Variants in COL16A1 observed in about 807,000 individuals in gnomAD.
The protein encoded by COL16A1 is collagen alpha-1(XVI) chain.
In COL16A1, 189 loss-of-function variants were observed where a neutral mutation model predicts 266.3. The observed-to-expected ratio is 0.71, with a 90% CI of 0.63 to 0.80. The LOEUF is 0.80. Ranked by LOEUF, COL16A1 falls within the 30% of genes least tolerant of loss-of-function variation. COL16A1 has a pLI of 0.00. For missense variants in COL16A1, 1,928 were observed against 2,122.4 expected (o/e 0.91, Z 1.80); for synonymous variants, 740 against 782.3 (o/e 0.95, Z 0.90).
Position 31,683,201 on chromosome 1 carries a change from C to T in COL16A1, c.2462G>A (p.Gly821Asp). 2 of 1,614,184 alleles carry T rather than the reference C, an allele frequency of 1.2e-6. No homozygotes were observed. Among genetic ancestry groups the T allele is most frequent in the Non-Finnish European group, 1.7e-6 (2 of 1,180,032 alleles). ...RGPPGPTGEK[G>D]AQGSPGVKGA... The stretch of plus-strand genomic sequence containing the variant: ...ATGGAGGCAGAGGCTCACCTGGGCA[C>T]CCTTCTCTCCAGTGGGGCCAGGTGG... The change falls in exon 36 of 71, where the codon GGT (glycine) becomes GAT (aspartate). Residue 821 changes from glycine (G) to aspartate (D), a missense_variant. Gly to Asp is a moderately conservative substitution (Grantham distance 94). Transcript: ENST00000373672.
chr1:31,660,492 A>G (rs2148664275), intron 62 of COL16A1, 93 bp downstream of exon 62: 1 of 1,533,960 alleles, frequency 6.5e-7, no homozygotes, highest in East Asian at 2.3e-5. Flanking sequence ...CCCTATGGCA[A>G]GTTCTCTCAG....
chr1:31,683,509 G>T, intron 34 of COL16A1, 140 bp from the exon 35 acceptor site: 1 of 1,578,004 alleles, frequency 6.3e-7, no homozygotes, highest in Non-Finnish European at 8.6e-7. Flanking sequence ...GACCCTGAGG[G>T]TCAGAGAGGC....
intron 1 of COL16A1, among the ~76,000 whole-genome samples, chr1:31,702,621 C>T (rs778014139): frequency 3.3e-5 from 5 of 152,142 alleles, no homozygotes; most frequent in East Asian, 1.9e-4. Context: ...CTTCAAGACA[C>T]GTGGAAGTAT....
In COL16A1 at chr1:31,697,002, G is replaced by C. The variant is rs1445519108; in HGVS notation, c.825C>G (p.Tyr275Ter). The C allele has an allele frequency of 6.2e-7, 1 of 1,614,064 alleles. No homozygotes were observed. Among genetic ancestry groups the C allele is most frequent in the Non-Finnish European group, 8.5e-7 (1 of 1,180,048 alleles). Reference protein sequence around the residue: ...EINPQSEGKVYTRCFCLEEPQ... With the variant: ...EINPQSEGKV Reference sequence around the variant, plus strand: ...GCTCCTCCAGGCAGAAGCAGCGGGTGTAGACCTTGCCTTCAGACTGTGGAT... The same window carrying C: ...GCTCCTCCAGGCAGAAGCAGCGGGTCTAGACCTTGCCTTCAGACTGTGGAT... Residue 275 changes from tyrosine (Y) to a stop codon, truncating the protein, a stop_gained, in exon 8 of 71, where the codon TAC becomes TAG. Coordinates refer to ENST00000373672, the MANE Select transcript of COL16A1 (RefSeq NM_001856.4). LOFTEE classifies it high-confidence loss of function. The surrounding 1 kb of genome is among the most constrained non-coding windows in gnomAD (Gnocchi z 4.2).
At position 31,672,483 on chromosome 1, in the gene COL16A1, T is replaced by C; in HGVS notation, c.3038A>G (p.Asp1013Gly). The change falls in exon 47 of 71, where the codon GAT becomes GGT. Residue 1013 changes from aspartate (D) to glycine (G), a missense_variant. This residue lies in a region of COL16A1 where 1,552 missense variants were observed against 1,637.2 expected (regional missense o/e 0.95). Coordinates refer to ENST00000373672, the MANE Select transcript of COL16A1 (RefSeq NM_001856.4). ...EEARGDNSEG[D>G]PGCVGSPGLP... ...GCCTGGGCTCCCAACACAGCCAGGA[T>C]CTCCCTCACTGTTGTCACCCTGGAG... 1 of 1,614,042 alleles carries C rather than the reference T, an allele frequency of 6.2e-7. No homozygotes were observed. The highest frequency in any genetic ancestry group is 8.5e-7 in the Non-Finnish European group (1 of 1,179,992).
chr1:31,680,205 T>C, intron 39 of COL16A1, 104 bp from the exon 40 acceptor site: 1 of 1,500,386 alleles, frequency 6.7e-7, no homozygotes, highest in Non-Finnish European at 9.0e-7. Flanking sequence ...AGGCCAGGGT[T>C]TCAATCCAGG....
At chr1:31,696,917 CA>C (rs766830403) in intron 8 of COL16A1, 45 bp downstream of exon 8, 1 of 1,610,720 alleles carries the variant, frequency 6.2e-7, no homozygotes, top group Non-Finnish European at 8.5e-7. Context: ...AGGGGTATCT[CA>C]CTTGTGCCTG....
intron 42 of COL16A1, among the ~76,000 whole-genome samples, chr1:31,676,217 C>A (rs1054894008): frequency 6.6e-6 from 1 of 151,130 alleles, no homozygotes; most frequent in African/African-American, 2.4e-5. Flanking sequence ...CCCAGATACA[C>A]GGGAGGCTGA....
intron 44 of COL16A1, 35 bp from the exon 45 acceptor site, chr1:31,672,875 G>A (rs564079973): frequency 5.0e-5 from 80 of 1,602,236 alleles, no homozygotes; most frequent in Non-Finnish European, 6.2e-5. Flanking sequence ...TGGGGCCTGG[G>A]TTAGAGATGG....
At chr1:31,693,638 C>G (rs1454516280) in intron 12 of COL16A1, among the ~76,000 whole-genome samples, 1 of 152,208 alleles carries the variant, frequency 6.6e-6, no homozygotes, top group African/African-American at 2.4e-5. Context: ...ACAAGCACAA[C>G]TCACAGTTGC....
chr1:31,653,065 G>T (rs1441889870), intron 70 of COL16A1, among the ~76,000 whole-genome samples: 1 of 152,234 alleles, frequency 6.6e-6, no homozygotes, highest in Admixed American at 6.5e-5. Flanking sequence ...CCAGGCACAG[G>T]GCTGAGTGCT....
At chr1:31,674,864 C>T in intron 44 of COL16A1, 143 bp downstream of exon 44, 1 of 1,372,538 alleles carries the variant, frequency 7.3e-7, no homozygotes, top group Non-Finnish European at 9.9e-7. Flanking sequence ...CAGCTAGGCC[C>T]TCTTAGACAG....
rs769345213 is a variant in COL16A1, at chr1:31,689,101, G to T, written c.1621-16C>A. The T allele has an allele frequency of 1.1e-5, 17 of 1,613,490 alleles. No homozygotes were observed. In the Admixed American group the frequency reaches 1.8e-4, roughly 17 times the overall value. On this transcript the variant is annotated splice_polypyrimidine_tract_variant and intron_variant, in intron 23 of 70. Coordinates refer to ENST00000373672, the MANE Select transcript of COL16A1 (RefSeq NM_001856.4). ...CAGGGTCTCCCTGCAGGGTAAAAAG[G>T]TTTGTGGGCTGAGGCAGGGCACGAT...
At position 31,693,173 on chromosome 1, in the gene COL16A1, T is replaced by C. The variant is rs757859848; in HGVS notation, c.1009-19A>G. On this transcript the variant is annotated intron_variant, in intron 12 of 70. Coordinates refer to ENST00000373672, the MANE Select transcript of COL16A1 (RefSeq NM_001856.4). ...TCCCTCCCTGAGAGTGAAACCAGAA[T>C]GGAAGATAGGACCAGAGGGGGCACA... 1.9e-6 allele frequency: 3 copies of C among 1,569,202 alleles called. No individual in the cohort carries two copies. Among genetic ancestry groups the C allele is most frequent in the East Asian group, 2.2e-5 (1 of 44,664 alleles).
chr1:31,670,470 A>G lies in COL16A1; in HGVS notation c.3195+132T>C. The G allele has an allele frequency of 2.5e-6, 3 of 1,180,218 alleles. No individual in the cohort carries two copies. Among genetic ancestry groups the G allele is most frequent in the Non-Finnish European group, 3.3e-6 (3 of 912,352 alleles). The allele number at this position is 1,180,218 out of a possible 1,614,324, so 73.1% of individuals were successfully genotyped here. A position where few individuals can be genotyped will look rare whatever the true frequency, so the allele number is the denominator to read the frequency against. ...GGGACCTCAGAGAACCCGTGTCGTT[A>G]GCTACCGTGCCTGAAGGGGGACAAC... On this transcript the variant is annotated intron_variant, in intron 49 of 70. Coordinates refer to ENST00000373672, the MANE Select transcript of COL16A1 (RefSeq NM_001856.4). The surrounding 1 kb of genome is among the most constrained non-coding windows in gnomAD (Gnocchi z 4.5).
intron 37 of COL16A1, among the ~76,000 whole-genome samples, chr1:31,681,435 T>C (rs1643636054): frequency 6.6e-6 from 1 of 152,236 alleles, no homozygotes; most frequent in Non-Finnish European, 1.5e-5. Flanking sequence ...CTGAAGTCTC[T>C]GCTCTCTCCT....
Position 31,685,850 on chromosome 1 carries a change from A to T in COL16A1, c.1885-80T>A. 2 of 1,587,454 alleles carry T rather than the reference A, an allele frequency of 1.3e-6. No homozygotes were observed. Among genetic ancestry groups the T allele is most frequent in the Non-Finnish European group, 1.7e-6 (2 of 1,162,482 alleles). On this transcript the variant is annotated intron_variant, in intron 28 of 70. Coordinates refer to ENST00000373672, the MANE Select transcript of COL16A1 (RefSeq NM_001856.4). The surrounding 1 kb of genome is among the most constrained non-coding windows in gnomAD (Gnocchi z 4.0). ...CGAGGTTTGGAATCTAGGGCTGGGGAATGTCACTGGGTCTGACACTGCACC... is the reference window on the plus strand; with the variant it reads ...CGAGGTTTGGAATCTAGGGCTGGGGTATGTCACTGGGTCTGACACTGCACC...
In COL16A1 at chr1:31,684,799, G is replaced by A. The variant is rs202099480; in HGVS notation, c.2052+22C>T. The stretch of plus-strand genomic sequence containing the variant: ...CTGAGATGATGCCATGCCCACCCCC[G>A]TGCCCACGGACGCCCTCTCACCTTC... On this transcript the variant is annotated intron_variant, in intron 30 of 70. Transcript: ENST00000373672. 3.2e-5 allele frequency: 52 copies of A among 1,614,026 alleles called. No individual in the cohort carries two copies. The East Asian group carries it at 4.2e-4, about 13-fold the overall frequency.
intron 1 of COL16A1, among the ~76,000 whole-genome samples, chr1:31,703,524 C>A (rs926342199): frequency 6.6e-6 from 1 of 152,140 alleles, no homozygotes; most frequent in African/African-American, 2.4e-5. Context: ...CATGTGGAGG[C>A]GTGAGGATGG....
Sources: allele counts gnomAD v4.1 joint callset (sites outside exome capture counted in the v4.1 genomes callset), GRCh38; gene constraint gnomAD v4.1.1; regional missense constraint gnomAD v4.1.1; non-coding constraint Gnocchi (gnomAD v3.1); transcripts MANE v1.5; gene names NCBI Gene and HGNC (gene_info 2026-07-23, HGNC 2026-07-21).